EEF2KMT: variants seen among roughly 807,000 people sequenced by gnomAD.
The protein encoded by EEF2KMT is eukaryotic elongation factor 2 lysine methyltransferase, also known as protein-lysine N-methyltransferase EEF2KMT.
Under a neutral mutation model 35.1 loss-of-function variants are expected in EEF2KMT, and 30 were observed. The ratio of observed to expected loss-of-function variants is 0.85; its 90% CI spans 0.64 to 1.16. EEF2KMT has a LOEUF of 1.16. Ranked by LOEUF, EEF2KMT falls within the 50% of genes most tolerant of loss-of-function variation. EEF2KMT has a pLI of 0.00. For missense variants in EEF2KMT, 499 were observed against 438.2 expected (o/e 1.14, Z -1.24); for synonymous variants, 190 against 187.7 (o/e 1.01, Z -0.10).
At chr16:5,093,870 C>A (rs1957397835) in intron 2 of EEF2KMT, among the ~76,000 whole-genome samples, 1 of 152,226 alleles carries the variant, frequency 6.6e-6, no homozygotes, top group Non-Finnish European at 1.5e-5. Context: ...CCAGGGTTTG[C>A]AGTAAGGACA....
intron 1 of EEF2KMT, among the ~76,000 whole-genome samples, chr16:5,096,664 G>A (rs2142789513): frequency 6.6e-6 from 1 of 152,304 alleles, no homozygotes; most frequent in Middle Eastern, 3.4e-3. Context: ...AAGCAGACAG[G>A]CTGTCTCCTG....
rs550132844 is a variant in EEF2KMT, at chr16:5,089,991, C to T, written c.742+93G>A. 6,778 of 1,552,514 alleles carry T rather than the reference C, an allele frequency of 4.4e-3. 30 individuals carry two copies. The highest frequency in any genetic ancestry group is 0.012 in the South Asian group (1,008 of 85,296). On this transcript the variant is annotated intron_variant, in intron 6 of 7. Transcript: ENST00000427587. ...CTGGAAGCCCCATCATGTCCATGCCCGACAGCGTCCATTGTTCCCTTTTCC... is the reference window on the plus strand; with the variant it reads ...CTGGAAGCCCCATCATGTCCATGCCTGACAGCGTCCATTGTTCCCTTTTCC...
chr16:5,085,852 G>A (rs1957144455), intron 7 of EEF2KMT, 120 bp from the exon 8 acceptor site: 1 of 795,460 alleles, frequency 1.3e-6, no homozygotes, highest in Non-Finnish European at 2.2e-6. Context: ...CAGTTTACTT[G>A]GTTCACAGGT....
chr16:5,097,257 C>G (rs1214281479), intron 1 of EEF2KMT: 2 of 1,304,010 alleles, frequency 1.5e-6, no homozygotes, highest in East Asian at 9.9e-5. Context: ...ACCCGGTCAC[C>G]GCGCTCAGGA....
chr16:5,086,976 C>G (rs1055694), intron 7 of EEF2KMT: 3 of 152,094 alleles, frequency 2.0e-5, no homozygotes, highest in Non-Finnish European at 4.4e-5. Flanking sequence ...ACACTGTGAC[C>G]CGGGACGATT....
rs192129679 is a variant in EEF2KMT at position 5,089,065 on chromosome 16, A to G, written c.892+42T>C. On this transcript the variant is annotated intron_variant, in intron 7 of 7. Coordinates refer to ENST00000427587, the MANE Select transcript of EEF2KMT (RefSeq NM_201400.4). Reference sequence around the variant, plus strand: ...ACTTCCACTGGCGTCCTGCAGGGACAGCTCAGGGACCATGCAGGCCCGGGT... The same window carrying G: ...ACTTCCACTGGCGTCCTGCAGGGACGGCTCAGGGACCATGCAGGCCCGGGT... The G allele has an allele frequency of 2.5e-5, 40 of 1,610,762 alleles. No homozygotes were observed. The East Asian group carries it at 8.7e-4, about 35-fold the overall frequency.
At position 5,089,186 on chromosome 16, in the gene EEF2KMT, C is replaced by G. The variant is rs528172612; in HGVS notation, c.813G>C (p.Glu271Asp). 4.7e-5 allele frequency: 75 copies of G among 1,611,134 alleles called. No homozygotes were observed. Among genetic ancestry groups the G allele is most frequent in the Admixed American group, 1.0e-4 (6 of 60,022 alleles). The stretch of plus-strand genomic sequence containing the variant: ...CGTAGACCTCAGGAGCCCGCTGGTG[C>G]TCCCGGCAGGCAGCCAGCCTCCGCA... Reference protein sequence around the residue: ...GVLRRLAACREHQRAPEVYVA... With the variant: ...GVLRRLAACRDHQRAPEVYVA... The change falls in exon 7 of 8, where the codon GAG becomes GAC. Residue 271 changes from glutamate (E) to aspartate (D), a missense_variant. Coordinates refer to ENST00000427587, the MANE Select transcript of EEF2KMT (RefSeq NM_201400.4).
chr16:5,096,044 C>T (rs990661696), intron 1 of EEF2KMT, among the ~76,000 whole-genome samples: 7 of 152,056 alleles, frequency 4.6e-5, no homozygotes, highest in Non-Finnish European at 7.4e-5. Flanking sequence ...CTCTCTCTGG[C>T]CTGTTCTCCC....
chr16:5,085,292 G>T lies in EEF2KMT; in HGVS notation c.*340C>A. The T allele has an allele frequency of 2.0e-6, 1 of 489,852 alleles. No homozygotes were observed. Among genetic ancestry groups the T allele is most frequent in the Non-Finnish European group, 3.7e-6 (1 of 268,488 alleles). The allele number at this position is 489,852 out of a possible 1,614,324, so 30.3% of individuals were successfully genotyped here. On this transcript the variant is annotated 3_prime_UTR_variant, in exon 8 of 8. Transcript: ENST00000427587. ...CCCAGGGATGTGGCAGCTGCAGTGGGCTTGGCTTTGTGAGGAACTGAGTGT... is the reference window on the plus strand; with the variant it reads ...CCCAGGGATGTGGCAGCTGCAGTGGTCTTGGCTTTGTGAGGAACTGAGTGT...
At chr16:5,095,926 C>T (rs1205407641) in intron 1 of EEF2KMT, among the ~76,000 whole-genome samples, 2 of 151,020 alleles carry the variant, frequency 1.3e-5, no homozygotes, top group African/African-American at 4.9e-5. Flanking sequence ...CCTTGGCTCC[C>T]GAGTTAGGCA....
At chr16:5,089,842 G>C (rs1035587646) in intron 6 of EEF2KMT, among the ~76,000 whole-genome samples, 1 of 152,236 alleles carries the variant, frequency 6.6e-6, no homozygotes, top group African/African-American at 2.4e-5. Flanking sequence ...CTCTGGGACA[G>C]AGCCATGTGG....
intron 7 of EEF2KMT, among the ~76,000 whole-genome samples, 174 bp from the exon 8 acceptor site, chr16:5,085,906 A>T (rs1260277942): frequency 6.6e-6 from 1 of 152,142 alleles, no homozygotes; most frequent in Non-Finnish European, 1.5e-5. Flanking sequence ...CCAGGATGGG[A>T]CCAGAAAGCT....
chr16:5,087,650 T>C (rs1957226177), intron 7 of EEF2KMT, among the ~76,000 whole-genome samples: 1 of 151,930 alleles, frequency 6.6e-6, no homozygotes, highest in African/African-American at 2.4e-5. Context: ...ATACAAAAAA[T>C]AGCCAGGTGT....
chr16:5,090,379 G>A lies in EEF2KMT; in HGVS notation c.477-30C>T, dbSNP rs777587167. On this transcript the variant is annotated intron_variant, in intron 5 of 7. Coordinates refer to ENST00000427587, the MANE Select transcript of EEF2KMT (RefSeq NM_201400.4). The surrounding 1 kb of genome is among the most constrained non-coding windows in gnomAD (Gnocchi z 4.1). ...CGGGAGGAAAGGGGACCGTGTCTGC[G>A]ACTGCACCAGGGTAAGCCTGCCTCG... The A allele has an allele frequency of 7.4e-6, 12 of 1,611,918 alleles. No individual in the cohort carries two copies. In the East Asian group the frequency reaches 1.1e-4, roughly 15 times the overall value.
intron 2 of EEF2KMT, among the ~76,000 whole-genome samples, chr16:5,095,105 T>C (rs1957427161): frequency 6.6e-6 from 1 of 152,166 alleles, no homozygotes; most frequent in African/African-American, 2.4e-5. Flanking sequence ...ACAGGCCTCA[T>C]GAAAGCAAAA....
rs532889848 is a variant in EEF2KMT at position 5,091,987 on chromosome 16, C to G, written c.241-92G>C. 8.5e-5 allele frequency: 134 copies of G among 1,575,028 alleles called. 3 individuals are homozygous for G. The highest frequency in any genetic ancestry group is 5.1e-4 in the South Asian group (45 of 87,860). ...TCACCAAGTTTGGAGGGGAGATTTG[C>G]GATGGAATGGTATAATACCGGCCAG... On this transcript the variant is annotated intron_variant, in intron 3 of 7. Transcript: ENST00000427587.
chr16:5,085,810 A>G, intron 7 of EEF2KMT, 78 bp from the exon 8 acceptor site: 1 of 1,161,638 alleles, frequency 8.6e-7, no homozygotes, highest in Non-Finnish European at 1.3e-6. Context: ...GGCTGCTAGG[A>G]CAGGCCTGGC....
chr16:5,089,310 T>C, intron 6 of EEF2KMT, 54 bp from the exon 7 acceptor site: 2 of 1,595,400 alleles, frequency 1.3e-6, no homozygotes, highest in South Asian at 1.1e-5. Context: ...GTCCAGGTCA[T>C]GCTGACGTCA....
rs1193556407 is a variant in EEF2KMT at position 5,091,793 on chromosome 16, C to A, written c.342+1G>T. On this transcript the variant is annotated splice_donor_variant, in intron 4 of 7. Coordinates refer to ENST00000427587, the MANE Select transcript of EEF2KMT (RefSeq NM_201400.4). LOFTEE classifies it high-confidence loss of function. The stretch of plus-strand genomic sequence containing the variant: ...GGGGGAGGAGGGTGCCCTTCTCATA[C>A]CAGCAAATAGCTCCGGTGGCCCTGG... 6.2e-7 allele frequency: 1 copy of A among 1,611,576 alleles called. No homozygotes were observed. Among genetic ancestry groups the A allele is most frequent in the East Asian group, 2.2e-5 (1 of 44,888 alleles).
Sources: allele counts gnomAD v4.1 joint callset (sites outside exome capture counted in the v4.1 genomes callset), GRCh38; gene constraint gnomAD v4.1.1; non-coding constraint Gnocchi (gnomAD v3.1); transcripts MANE v1.5; gene names NCBI Gene and HGNC (gene_info 2026-07-23, HGNC 2026-07-21).